Variants in TSHZ3 observed in about 807,000 individuals in gnomAD.
TSHZ3 encodes teashirt zinc finger homeobox 3.
In TSHZ3, 10 loss-of-function variants were observed where a neutral mutation model predicts 64.5. That is an observed-to-expected ratio of 0.16 (90% confidence interval 0.10 to 0.26). The LOEUF is 0.26. TSHZ3 is among the 10% of genes least tolerant of loss of function. The pLI is 1.00. For synonymous variants in TSHZ3, 608 were observed against 593.1 expected (o/e 1.03, Z -0.36); for missense variants, 1,242 against 1,421.7 (o/e 0.87, Z 2.03).
At chr19:31,154,983 G>A (rs1274527401) in intron 6 of TSHZ3, among the ~76,000 whole-genome samples, 1 of 152,236 alleles carries the variant, frequency 6.6e-6, no homozygotes, top group Admixed American at 6.5e-5. Context: ...GGTTTGCTGA[G>A]GGGACACCCC....
chr19:31,191,677 T>C (rs1401460840), intron 5 of TSHZ3, among the ~76,000 whole-genome samples: 4 of 151,906 alleles, frequency 2.6e-5, no homozygotes, highest in Non-Finnish European at 5.9e-5. Context: ...GGCAACATAG[T>C]GAGACCCCAT....
chr19:31,174,334 G>T (rs73924589), intron 5 of TSHZ3, among the ~76,000 whole-genome samples: 5,536 of 152,330 alleles, frequency 0.036, 349 homozygotes, highest in African/African-American at 0.13. Context: ...CAGTCCATCA[G>T]AAGGAGCTAC....
chr19:31,213,017 C>T (rs1310194793), intron 4 of TSHZ3, among the ~76,000 whole-genome samples: 2 of 152,012 alleles, frequency 1.3e-5, no homozygotes, highest in Non-Finnish European at 2.9e-5. Flanking sequence ...ATATATGGTA[C>T]AATTTCAACC....
At chr19:31,208,024 C>A (rs1975209051) in intron 4 of TSHZ3, among the ~76,000 whole-genome samples, 1 of 152,166 alleles carries the variant, frequency 6.6e-6, no homozygotes, top group African/African-American at 2.4e-5. Context: ...ATTATAGAAA[C>A]CTCTGTCCTG....
At chr19:31,302,046 C>T (rs1264295946) in intron 1 of TSHZ3, among the ~76,000 whole-genome samples, 1 of 152,190 alleles carries the variant, frequency 6.6e-6, no homozygotes, top group African/African-American at 2.4e-5. Context: ...TGAAGACATT[C>T]CTTACACTCA....
chr19:31,312,055 A>C (rs952418358), intron 1 of TSHZ3, among the ~76,000 whole-genome samples: 12 of 152,108 alleles, frequency 7.9e-5, no homozygotes, highest in African/African-American at 2.9e-4. Flanking sequence ...TGGCTTCTCC[A>C]TGTCATGGCC....
At chr19:31,288,727 G>T (rs1352095981) in intron 1 of TSHZ3, among the ~76,000 whole-genome samples, 2 of 152,300 alleles carry the variant, frequency 1.3e-5, no homozygotes, top group East Asian at 3.9e-4. Context: ...TTTTTTTAGA[G>T]TTGGGGTCTT....
At chr19:31,215,507 A>C (rs1975314570) in intron 4 of TSHZ3, among the ~76,000 whole-genome samples, 2 of 152,360 alleles carry the variant, frequency 1.3e-5, no homozygotes, top group Non-Finnish European at 2.9e-5. Flanking sequence ...AACTCTGAAG[A>C]TAGCTGGTCC....
chr19:31,204,415 C>T (rs543839147), intron 5 of TSHZ3, among the ~76,000 whole-genome samples: 3 of 151,806 alleles, frequency 2.0e-5, no homozygotes, highest in Admixed American at 1.3e-4. Flanking sequence ...TTCCTCCTTC[C>T]CTACCTCCCT....
chr19:31,175,445 T>C (rs1241060655), intron 5 of TSHZ3, among the ~76,000 whole-genome samples: 1 of 152,228 alleles, frequency 6.6e-6, no homozygotes, highest in Non-Finnish European at 1.5e-5. Flanking sequence ...TTTGTGTTTT[T>C]TTTACAAATT....
chr19:31,241,749 G>A (rs1024613353), intron 3 of TSHZ3, among the ~76,000 whole-genome samples: 12 of 152,174 alleles, frequency 7.9e-5, no homozygotes, highest in Non-Finnish European at 1.2e-4. Flanking sequence ...TTACAACCCC[G>A]GCAGGGGACT....
intron 1 of TSHZ3, among the ~76,000 whole-genome samples, chr19:31,292,593 C>T (rs17581484): frequency 0.066 from 9,989 of 152,188 alleles, 421 homozygotes; most frequent in Non-Finnish European, 0.1. Context: ...ACATGGAAGA[C>T]GAAGCAACTG....
At chr19:31,293,386 CTTTACCTTCTATGTTTTA>C (rs917822948) in intron 1 of TSHZ3, among the ~76,000 whole-genome samples, 9 of 152,232 alleles carry the variant, frequency 5.9e-5, no homozygotes, top group Non-Finnish European at 1.2e-4. Context: ...CCAAGCCCCA[CTTTACCTTCTATGTTTTA>C]TTGTCCACTG....
intron 1 of TSHZ3, among the ~76,000 whole-genome samples, chr19:31,263,558 G>T (rs1976011130): frequency 1.3e-5 from 2 of 152,320 alleles, no homozygotes; most frequent in South Asian, 4.1e-4. Flanking sequence ...TGGCAAGTGG[G>T]GGACTTATTG....
intron 5 of TSHZ3, among the ~76,000 whole-genome samples, chr19:31,184,477 A>T (rs1390758): frequency 0.72 from 109,915 of 152,078 alleles, 40,318 homozygotes; most frequent in African/African-American, 0.86. Flanking sequence ...TTTGTTTCAT[A>T]CTCTACAATC....
At chr19:31,272,257 G>A (rs1369344422), downstream of TSHZ3, among the ~76,000 whole-genome samples, 3 of 152,016 alleles carry the variant, frequency 2.0e-5, no homozygotes, top group African/African-American at 7.3e-5. Context: ...TCCTCTATAA[G>A]TATTTTGTCA....
chr19:31,267,474 C>G (rs901597058), intron 1 of TSHZ3, among the ~76,000 whole-genome samples: 3 of 152,142 alleles, frequency 2.0e-5, no homozygotes, highest in African/African-American at 7.2e-5. Flanking sequence ...CACTCCTTCC[C>G]CTACCCGTGT....
At chr19:31,314,327 C>T (rs1478003392) in intron 1 of TSHZ3, among the ~76,000 whole-genome samples, 1 of 152,184 alleles carries the variant, frequency 6.6e-6, no homozygotes. Flanking sequence ...GAGCGGGCGG[C>T]AGGGAGGCAT....
At chr19:31,301,009 A>G (rs150022237) in intron 1 of TSHZ3, among the ~76,000 whole-genome samples, 2 of 152,308 alleles carry the variant, frequency 1.3e-5, no homozygotes, top group Admixed American at 6.5e-5. Context: ...CTCTGACAGC[A>G]TATTTACATT....
Sources: gnomAD v4.1 joint callset for allele counts (sites outside exome capture counted in the v4.1 genomes callset) on GRCh38, gnomAD v4.1.1 for gene constraint, MANE v1.5 for transcripts, NCBI Gene and HGNC (gene_info 2026-07-23, HGNC 2026-07-21) for gene names.